OGT: variants seen among roughly 807,000 people sequenced by gnomAD.
The protein encoded by OGT is O-linked N-acetylglucosamine (GlcNAc) transferase.
OGT carries 3 observed loss-of-function variants against 75.8 expected under a neutral mutation model. The observed-to-expected ratio is 0.04, with a 90% confidence interval of 0.02 to 0.10. The LOEUF is 0.10. Ranked by LOEUF, OGT falls within the 10% of genes least tolerant of loss-of-function variation. OGT has a pLI of 1.00. For synonymous variants in OGT, 257 were observed against 289.7 expected (o/e 0.89, Z 1.15); for missense variants, 260 against 824.4 (o/e 0.32, Z 8.38).
intron 12 of OGT, among the ~76,000 whole-genome samples, chrX:71,558,808 C>G (rs1432384396): frequency 1.3e-5 from 1 of 76,383 alleles, no homozygotes. Context: ...GGGTCTTGCT[C>G]TGTTGCCCAG....
At chrX:71,548,270 C>G (rs918864253) in intron 5 of OGT, among the ~76,000 whole-genome samples, 6 of 111,060 alleles carry the variant, frequency 5.4e-5, no homozygotes, top group African/African-American at 2.0e-4. Context: ...CTGGTTTTCC[C>G]TTTCAGTACA....
chrX:71,537,033 A>G, intron 2 of OGT: 1 of 166,950 alleles, frequency 6.0e-6, no homozygotes, highest in Non-Finnish European at 1.0e-5. Flanking sequence ...CAGCGGCGCC[A>G]TCTCGGCTCA....
In OGT at chrX:71,533,170, C is replaced by T. The variant is rs2040146033; in HGVS notation, c.-130C>T. 4 of 620,106 alleles carry T rather than the reference C, an allele frequency of 6.5e-6. No individual in the cohort carries two copies. The highest frequency in any genetic ancestry group is 3.3e-4 in the Middle Eastern group (1 of 2,989). 51.1% of individuals were successfully genotyped at this position (620,106 alleles called of 1,213,427 possible). On this transcript the variant is annotated 5_prime_UTR_variant, in exon 1 of 22. Coordinates refer to ENST00000373719, the MANE Select transcript of OGT (RefSeq NM_181672.3). ...AGGGTTTGAAGCCTGTAACTGCTGC[C>T]GCCGCTCAAGCCCTCCAGAGCATTG...
At chrX:71,539,808 G>A (rs1187135587) in intron 3 of OGT, among the ~76,000 whole-genome samples, 2 of 111,473 alleles carry the variant, frequency 1.8e-5, no homozygotes, top group African/African-American at 6.5e-5. Context: ...CTTATTGATA[G>A]TGTACCCTCT....
rs776580709 is a variant in OGT at position 71,575,850 on chromosome X, ATGT to A, written c.*2060_*2062del. 8.9e-6 allele frequency: 1 copy of A among 112,426 alleles called. No homozygotes were observed. The highest frequency in any genetic ancestry group is 1.9e-5 in the Non-Finnish European group (1 of 53,250). The allele number at this position is 112,426 out of a possible 1,213,427, so 9.3% of individuals were successfully genotyped here. A position where few individuals can be genotyped will look rare whatever the true frequency, so the allele number is the denominator to read the frequency against. On this transcript the variant is annotated 3_prime_UTR_variant, in exon 22 of 22. Transcript: ENST00000373719. Reference sequence around the variant, plus strand: ...TTTAAATCGTACTACAGAAATTAAGATGTTGTCTTGCGATCCTTAATAAATGAA... The same window carrying A: ...TTTAAATCGTACTACAGAAATTAAGATGTCTTGCGATCCTTAATAAATGAA...
intron 5 of OGT, among the ~76,000 whole-genome samples, chrX:71,551,592 A>T (rs2040304539): frequency 8.9e-6 from 1 of 112,326 alleles, no homozygotes; most frequent in African/African-American, 3.2e-5. Context: ...AGATTGCACC[A>T]TTGCATTCCA....
At chrX:71,547,824 AT>A in intron 4 of OGT, 82 bp from the exon 5 acceptor site, 2 of 847,902 alleles carry the variant, frequency 2.4e-6, no homozygotes, top group South Asian at 2.8e-5. Context: ...CCTCCCCCCA[AT>A]CTTTTTTTTT....
At chrX:71,546,896 T>G in intron 4 of OGT, 2 of 754,911 alleles carry the variant, frequency 2.6e-6, no homozygotes, top group Non-Finnish European at 3.1e-6. Context: ...AGTCCTATTC[T>G]GTAGCCTTTT....
chrX:71,559,223 A>G (rs1044014161), intron 12 of OGT, 44 bp from the exon 13 acceptor site: 3 of 1,169,705 alleles, frequency 2.6e-6, no homozygotes, highest in Non-Finnish European at 3.5e-6. Context: ...CCTAGATGAA[A>G]ATTTATGTAG....
intron 3 of OGT, among the ~76,000 whole-genome samples, chrX:71,542,427 A>G (rs751756730): frequency 8.9e-6 from 1 of 112,019 alleles, no homozygotes; most frequent in East Asian, 2.8e-4. Flanking sequence ...TCTTATAGTA[A>G]TCTTGAAGAT....
At chrX:71,540,272 T>G (rs2040208246) in intron 3 of OGT, among the ~76,000 whole-genome samples, 1 of 112,706 alleles carries the variant, frequency 8.9e-6, no homozygotes, top group African/African-American at 3.2e-5. Context: ...GATTTAAACT[T>G]ACTGTCAAAT....
chrX:71,563,108 CTG>C lies in OGT; in HGVS notation c.2149-21_2149-20del. ...TCTATGTAAATCCTAAAAGACATGT[CTG>C]AAACTATTTTTTCCATTAGAAAAAA... On this transcript the variant is annotated intron_variant, in intron 16 of 21. Coordinates refer to ENST00000373719, the MANE Select transcript of OGT (RefSeq NM_181672.3). The C allele has an allele frequency of 2.5e-6, 3 of 1,200,091 alleles. No homozygotes were observed. Among genetic ancestry groups the C allele is most frequent in the Non-Finnish European group, 2.3e-6 (2 of 885,343 alleles).
rs757252116 is a variant in OGT, at chrX:71,555,331, A to G, written c.870A>G (p.Pro290=). 4 of 1,209,488 alleles carry G rather than the reference A, an allele frequency of 3.3e-6. No individual in the cohort carries two copies. The highest frequency in any genetic ancestry group is 4.5e-6 in the Non-Finnish European group (4 of 895,137). Residue 290 remains proline (P), a synonymous_variant, in exon 7 of 22, where the codon CCA becomes CCG. Coordinates refer to ENST00000373719, the MANE Select transcript of OGT (RefSeq NM_181672.3). ...ACAGGCGGGCTATCGAACTACAACC[A>G]CATTTCCCTGATGCTTACTGCAACC... ...DTYRRAIELQ[P]HFPDAYCNLA... is the part of the protein sequence containing the mutation.
chrX:71,542,055 A>G (rs1350109214), intron 3 of OGT, among the ~76,000 whole-genome samples: 1 of 111,765 alleles, frequency 8.9e-6, no homozygotes, highest in East Asian at 2.8e-4. Context: ...GTGGGCATTT[A>G]GTGTGTGCCT....
chrX:71,557,312 C>T lies in OGT; in HGVS notation c.1422+16C>T. 1 of 1,141,614 alleles carries T rather than the reference C, an allele frequency of 8.8e-7. No individual in the cohort carries two copies. Among genetic ancestry groups the T allele is most frequent in the Non-Finnish European group, 1.2e-6 (1 of 837,704 alleles). 94.1% of individuals were successfully genotyped at this position (1,141,614 alleles called of 1,213,427 possible). A position where few individuals can be genotyped will look rare whatever the true frequency, so the allele number is the denominator to read the frequency against. On this transcript the variant is annotated intron_variant, in intron 11 of 21. Coordinates refer to ENST00000373719, the MANE Select transcript of OGT (RefSeq NM_181672.3). ...TTGCCTGCAGGTAAAGAATAACAGG[C>T]CAGTAATTGGCTCTCAGTGTTGTAA...
intron 21 of OGT, among the ~76,000 whole-genome samples, chrX:71,569,006 C>T (rs896127154): frequency 7.2e-5 from 8 of 111,735 alleles, no homozygotes; most frequent in African/African-American, 2.6e-4. Context: ...ATTGGTACAG[C>T]CCTTCCTCAG....
In OGT at chrX:71,567,721, C is replaced by T. The variant is rs2040425460; in HGVS notation, c.2811C>T (p.Leu937=). ...CNGHTTGMDV[L]WAGTPMVTMP... ...GGCACACCACAGGGATGGATGTCCT[C>T]TGGGCAGGGACCCCCATGGTGACTA... Residue 937 remains leucine (L), a synonymous_variant, in exon 20 of 22, where the codon CTC becomes CTT. Coordinates refer to ENST00000373719, the MANE Select transcript of OGT (RefSeq NM_181672.3). 1 of 1,200,639 alleles carries T rather than the reference C, an allele frequency of 8.3e-7. No individual in the cohort carries two copies.
At chrX:71,556,916 G>A in intron 9 of OGT, 36 bp from the exon 10 acceptor site, 1 of 1,185,547 alleles carries the variant, frequency 8.4e-7, no homozygotes, top group Non-Finnish European at 1.1e-6. Context: ...AAAGATTTTT[G>A]TATTGGAGAA....
rs752840442 is a variant in OGT at position 71,543,418 on chromosome X, T to G, written c.463-1149T>G. Among the ~76,000 whole-genome samples the G allele has an allele frequency of 6.3e-5, 7 of 111,251 alleles. No individual in the cohort carries two copies. The South Asian group carries it at 2.7e-3, about 42-fold the overall frequency. On this transcript the variant is annotated intron_variant, in intron 3 of 21. Transcript: ENST00000373719. Reference sequence around the variant, plus strand: ...TGAATGGACTGATGAGTCAGATGACTAGCAGCACAATTGAGCTGCTAATAA... The same window carrying G: ...TGAATGGACTGATGAGTCAGATGACGAGCAGCACAATTGAGCTGCTAATAA...
Sources: allele counts gnomAD v4.1 joint callset (sites outside exome capture counted in the v4.1 genomes callset), GRCh38; gene constraint gnomAD v4.1.1; transcripts MANE v1.5; gene names NCBI Gene and HGNC (gene_info 2026-07-23, HGNC 2026-07-21).